Variants in POLR1B observed in about 807,000 individuals in gnomAD.
POLR1B encodes the protein DNA-directed RNA polymerase I subunit RPA2.
In POLR1B, 30 loss-of-function variants were observed where a neutral mutation model predicts 105.8. That is an observed-to-expected ratio of 0.28 (90% CI 0.21 to 0.38). The LOEUF is 0.38. POLR1B is among the 10% of genes least tolerant of loss of function. The pLI is 1.00. For missense variants in POLR1B, 976 were observed against 1,435.8 expected, an observed-to-expected ratio of 0.68 and a Z score of 5.17; for synonymous variants, 485 against 505.1, an observed-to-expected ratio of 0.96 and a Z score of 0.53.
At chr2:112,567,946 C>A (rs1234868791) in intron 10 of POLR1B, 21 bp from the exon 11 acceptor site, 10 of 1,609,074 alleles carry the variant, frequency 6.2e-6, no homozygotes, top group Non-Finnish European at 8.5e-6. Flanking sequence ...GTTTGTTAAA[C>A]TCTGTTTTTG....
intron 10 of POLR1B, among the ~76,000 whole-genome samples, chr2:112,566,292 CTG>C (rs1403855693): frequency 6.6e-6 from 1 of 152,200 alleles, no homozygotes; most frequent in Non-Finnish European, 1.5e-5. Context: ...CTGTTTTTCT[CTG>C]TAATAAGTAA....
intron 3 of POLR1B, 57 bp downstream of exon 3, chr2:112,547,624 A>G (rs1418199890): frequency 1.9e-6 from 3 of 1,552,388 alleles, no homozygotes; most frequent in Non-Finnish European, 2.6e-6. Context: ...GGGAGTAAGA[A>G]GACAAGAAGT....
At chr2:112,542,071 G>T (rs1682773103), upstream of POLR1B, 6 of 1,528,198 alleles carry the variant, frequency 3.9e-6, no homozygotes, top group East Asian at 1.5e-4. Flanking sequence ...GTCGGCATCA[G>T]CGTGGGACTG....
At chr2:112,562,460 G>T (rs1684038569) in intron 9 of POLR1B, among the ~76,000 whole-genome samples, 1 of 152,054 alleles carries the variant, frequency 6.6e-6, no homozygotes, top group Non-Finnish European at 1.5e-5. Flanking sequence ...CGGAGATATT[G>T]CAGGTTTGGT....
At position 112,552,678 on chromosome 2, in the gene POLR1B, T is replaced by C. The variant is rs770900091; in HGVS notation, c.1020T>C (p.Thr340=). ...TCTGTATCCACTTGAAATCCAATAC[T>C]GAAAAGTTTTATATGCTTTGTCTCA... ...QCICIHLKSN[T]EKFYMLCLMT... The change falls in exon 7 of 15, where the codon ACT becomes ACC. Residue 340 remains threonine (T), a synonymous_variant. Transcript: ENST00000263331. 20 of 1,603,930 alleles carry C rather than the reference T, an allele frequency of 1.2e-5. No individual in the cohort carries two copies. The highest frequency in any genetic ancestry group is 1.7e-5 in the Non-Finnish European group (20 of 1,175,992).
rs1683235820 is a variant in POLR1B at position 112,549,307 on chromosome 2, T to C, written c.533T>C (p.Val178Ala). ...TTTATAATCAATGGCATTGAAAAAG[T>C]CATCCGAATGTTGATTATGCCTCGG... ...GYFIINGIEK[V>A]IRMLIMPRRN... is the part of the protein sequence containing the mutation. The change falls in exon 4 of 15, where the codon GTC (valine) becomes GCC (alanine). Residue 178 changes from valine (V) to alanine (A), a missense_variant. This residue lies in a region of POLR1B where 452 missense variants were observed against 616.5 expected (regional missense o/e 0.73). Transcript: ENST00000263331. The C allele has an allele frequency of 6.2e-7, 1 of 1,613,434 alleles. No homozygotes were observed. Among genetic ancestry groups the C allele is most frequent in the East Asian group, 2.2e-5 (1 of 44,870 alleles).
rs914509106 is a variant in POLR1B, at chr2:112,577,739, G to T, written c.*2010G>T. Among the ~76,000 whole-genome samples, 1 of 150,998 alleles carries T rather than the reference G, an allele frequency of 6.6e-6. No individual in the cohort carries two copies. Among genetic ancestry groups the T allele is most frequent in the African/African-American group, 2.4e-5 (1 of 40,934 alleles). On this transcript the variant is annotated 3_prime_UTR_variant, in exon 15 of 15. Transcript: ENST00000263331. ...AGTTCCAGCTACTCAGGAGGCTGAG[G>T]TGGGAGAATCTCCTGAGCCTGGAAG...
In POLR1B at chr2:112,549,502, T is replaced by TTC; in HGVS notation, c.625+104_625+105insCT. 13 of 622,858 alleles carry TTC rather than the reference T, an allele frequency of 2.1e-5. No homozygotes were observed. In the African/African-American group the frequency reaches 2.2e-4, roughly 11 times the overall value. 38.6% of individuals were successfully genotyped at this position (622,858 alleles called of 1,614,324 possible). A position where few individuals can be genotyped will look rare whatever the true frequency, so the allele number is the denominator to read the frequency against. Reference sequence around the variant, plus strand: ...ATGGTCTTTGATATTTTTGTTTCTTTTTTTTTTTTTTTTTGGTAGGGATGG... The same window carrying TTC: ...ATGGTCTTTGATATTTTTGTTTCTTTTCTTTTTTTTTTTTTTGGTAGGGATGG... On this transcript the variant is annotated intron_variant, in intron 4 of 14. Transcript: ENST00000263331.
rs138606051 is a variant in POLR1B, at chr2:112,558,882, G to C, written c.1331-411G>C. On this transcript the variant is annotated intron_variant, in intron 8 of 14. Transcript: ENST00000263331. ...GAACCACCCACCTTGGCCTCCCAAAGTGCTGGGATTATAGCATGAACCACT... is the reference window on the plus strand; with the variant it reads ...GAACCACCCACCTTGGCCTCCCAAACTGCTGGGATTATAGCATGAACCACT... 2.3e-3 allele frequency among the ~76,000 whole-genome samples: 341 copies of C among 150,144 alleles called. 1 individual carries two copies. Among genetic ancestry groups the C allele is most frequent in the African/African-American group, 8.1e-3 (332 of 40,946 alleles).
chr2:112,559,456 T>C lies in POLR1B; in HGVS notation c.1494T>C (p.Cys498=), dbSNP rs199656923. The C allele has an allele frequency of 1.5e-5, 25 of 1,614,222 alleles. No homozygotes were observed. In the Admixed American group the frequency reaches 2.8e-4, roughly 18 times the overall value. The change falls in exon 9 of 15, where the codon TGT becomes TGC. Residue 498 remains cysteine (C), a synonymous_variant. Coordinates refer to ENST00000263331, the MANE Select transcript of POLR1B (RefSeq NM_019014.6). ...TGCCAGAGTCCTGGGGCTTCCTTTGTCCCGTGCATACCCCAGACGGGGAGC... is the reference window on the plus strand; with the variant it reads ...TGCCAGAGTCCTGGGGCTTCCTTTGCCCCGTGCATACCCCAGACGGGGAGC... ...RLLPESWGFL[C]PVHTPDGEPC...
At chr2:112,566,718 A>AT (rs1684293092) in intron 10 of POLR1B, among the ~76,000 whole-genome samples, 1 of 150,398 alleles carries the variant, frequency 6.6e-6, no homozygotes, top group Admixed American at 6.6e-5. Flanking sequence ...CTCTGTAACC[A>AT]TTAAACAATC....
intron 9 of POLR1B, among the ~76,000 whole-genome samples, chr2:112,560,124 GA>G (rs904716273): frequency 5.1e-4 from 74 of 145,746 alleles, no homozygotes; most frequent in Non-Finnish European, 6.2e-4. Context: ...TTTTCTTTGG[GA>G]AAAAAAAAAA....
chr2:112,569,553 AGT>A (rs1459702977), intron 12 of POLR1B, among the ~76,000 whole-genome samples: 1 of 151,112 alleles, frequency 6.6e-6, no homozygotes, highest in Non-Finnish European at 1.5e-5. Context: ...TTCTGAATAT[AGT>A]GTGTTTCTTT....
intron 1 of POLR1B, among the ~76,000 whole-genome samples, chr2:112,546,384 A>G (rs540626598): frequency 6.6e-6 from 1 of 152,242 alleles, no homozygotes; most frequent in South Asian, 2.1e-4. Flanking sequence ...AAGAATACAC[A>G]AGGCTCTTGG....
chr2:112,564,310 C>T (rs879848726), intron 9 of POLR1B, 56 bp from the exon 10 acceptor site: 9 of 1,592,322 alleles, frequency 5.7e-6, no homozygotes, highest in Non-Finnish European at 7.7e-6. Flanking sequence ...TGGAGGGAAT[C>T]TGGAATGTTG....
rs1684930596 is a variant in POLR1B, at chr2:112,577,743, G to C, written c.*2014G>C. Among the ~76,000 whole-genome samples, 1 of 150,312 alleles carries C rather than the reference G, an allele frequency of 6.7e-6. No homozygotes were observed. Among genetic ancestry groups the C allele is most frequent in the African/African-American group, 2.4e-5 (1 of 40,838 alleles). ...CCAGCTACTCAGGAGGCTGAGGTGG[G>C]AGAATCTCCTGAGCCTGGAAGGTCC... On this transcript the variant is annotated 3_prime_UTR_variant, in exon 15 of 15. Transcript: ENST00000263331.
At position 112,549,247 on chromosome 2, in the gene POLR1B, G is replaced by A. The variant is rs753323805; in HGVS notation, c.493-20G>A. On this transcript the variant is annotated intron_variant, in intron 3 of 14. Coordinates refer to ENST00000263331, the MANE Select transcript of POLR1B (RefSeq NM_019014.6). The stretch of plus-strand genomic sequence containing the variant: ...GTCATGTATCTTTGTTTAACAAGTT[G>A]CAATTCATCTTTTTGGCAGGAAATG... 4.3e-6 allele frequency: 7 copies of A among 1,611,658 alleles called. No individual in the cohort carries two copies. In the African/African-American group the frequency reaches 8.0e-5, roughly 18 times the overall value.
intron 12 of POLR1B, 63 bp from the exon 13 acceptor site, chr2:112,572,499 G>A (rs181373143): frequency 1.2e-5 from 14 of 1,215,454 alleles, no homozygotes; most frequent in Middle Eastern, 4.1e-4. Flanking sequence ...CCAGTGTTGC[G>A]TATCACACCT....
At chr2:112,570,181 T>A (rs1684520894) in intron 12 of POLR1B, among the ~76,000 whole-genome samples, 1 of 151,934 alleles carries the variant, frequency 6.6e-6, no homozygotes, top group African/African-American at 2.4e-5. Context: ...CCTGAGGAGC[T>A]GGGATTACAG....
Sources: allele counts gnomAD v4.1 joint callset (sites outside exome capture counted in the v4.1 genomes callset), GRCh38; gene constraint gnomAD v4.1.1; regional missense constraint gnomAD v4.1.1; transcripts MANE v1.5; gene names NCBI Gene and HGNC (gene_info 2026-07-23, HGNC 2026-07-21).